Variants in PRKG1 observed in about 807,000 individuals in gnomAD.
PRKG1 encodes cGMP-dependent protein kinase 1.
A neutral mutation model predicts 88.1 loss-of-function variants in PRKG1; 35 were observed. The ratio of observed to expected loss-of-function variants is 0.40; its 90% CI spans 0.30 to 0.53. The LOEUF (loss-of-function observed/expected upper bound fraction) is 0.53, where lower values mean the gene tolerates loss of function less well. Among genes scored for constraint, PRKG1 ranks in the 20% least tolerant of loss-of-function variants. The pLI is 0.59. For missense variants in PRKG1, 540 were observed against 839.8 expected (o/e 0.64, Z 4.41); for synonymous variants, 303 against 292.5 (o/e 1.04, Z -0.37).
At chr10:51,007,609 C>G (rs573616776) in intron 1 of PRKG1, among the ~76,000 whole-genome samples, 15 of 152,268 alleles carry the variant, frequency 9.9e-5, no homozygotes, top group Non-Finnish European at 2.1e-4. Flanking sequence ...TTTCTGATAT[C>G]TTAGTCATGT....
At chr10:51,933,694 T>C (rs1413480825) in intron 5 of PRKG1, among the ~76,000 whole-genome samples, 2 of 152,036 alleles carry the variant, frequency 1.3e-5, no homozygotes, top group African/African-American at 4.8e-5. Flanking sequence ...CTCTAGTAAA[T>C]AATAATACTT....
In PRKG1 at chr10:51,156,323, A is replaced by ACACACACACACACACACACC. The variant is rs796364856; in HGVS notation, c.478+2994_478+2995insACACACACACACACACACCC. On this transcript the variant is annotated intron_variant, in intron 2 of 17. Transcript: ENST00000373980. The stretch of plus-strand genomic sequence containing the variant: ...CACACACACACACACAAACACACAC[A>ACACACACACACACACACACC]CCCGAATGTAACAAAATAAGAAAGA... Among the ~76,000 whole-genome samples, 266 of 151,228 alleles carry ACACACACACACACACACACC rather than the reference A, an allele frequency of 1.8e-3. 3 individuals carry two copies. The highest frequency in any genetic ancestry group is 3.8e-3 in the Admixed American group (58 of 15,134).
At chr10:51,234,949 C>T (rs1838944357) in intron 2 of PRKG1, among the ~76,000 whole-genome samples, 1 of 152,146 alleles carries the variant, frequency 6.6e-6, no homozygotes, top group African/African-American at 2.4e-5. Context: ...AGAGTATATA[C>T]TATCTGTAAG....
At chr10:51,960,151 G>A in intron 5 of PRKG1, among the ~76,000 whole-genome samples, 1 of 147,164 alleles carries the variant, frequency 6.8e-6, no homozygotes. Context: ...AAACCAACCA[G>A]AAAACAAACA....
chr10:51,229,945 A>AAAAG (rs1564647230), intron 2 of PRKG1, among the ~76,000 whole-genome samples: 8 of 150,858 alleles, frequency 5.3e-5, no homozygotes, highest in African/African-American at 1.7e-4. Flanking sequence ...AAAAAAAAAA[A>AAAAG]AAAGAAAAAG....
chr10:51,104,228 A>C (rs9415718), intron 1 of PRKG1, among the ~76,000 whole-genome samples: 76,645 of 151,972 alleles, frequency 0.5, 20,605 homozygotes, highest in East Asian at 0.71. Flanking sequence ...CAGAAAAAAA[A>C]ATCATCCCCC....
rs115172492 is a variant in PRKG1 at position 52,151,919 on chromosome 10, A to G, written c.1002-9970A>G. Among the ~76,000 whole-genome samples, 318 of 152,302 alleles carry G rather than the reference A, an allele frequency of 2.1e-3. 3 individuals carry two copies. The highest frequency in any genetic ancestry group is 7.0e-3 in the African/African-American group (293 of 41,572). ...GGGATTCATGGATATAAATTTCATT[A>G]TGGTCTAAAATAATTACCCTCATTT... On this transcript the variant is annotated intron_variant, in intron 8 of 17. Transcript: ENST00000373980.
intron 4 of PRKG1, among the ~76,000 whole-genome samples, chr10:51,830,560 G>GTTTTT (rs531412645): frequency 8.4e-5 from 7 of 83,646 alleles, no homozygotes; most frequent in Non-Finnish European, 1.3e-4. Flanking sequence ...TTTTTTTTTT[G>GTTTTT]TTTTTTTTTT....
At chr10:51,464,143 G>C (rs1400702852) in intron 2 of PRKG1, among the ~76,000 whole-genome samples, 1 of 152,098 alleles carries the variant, frequency 6.6e-6, no homozygotes, top group Non-Finnish European at 1.5e-5. Context: ...TGCCTGGCAT[G>C]GTGGCATGTG....
intron 8 of PRKG1, among the ~76,000 whole-genome samples, chr10:52,135,236 A>G (rs1020475395): frequency 6.6e-6 from 1 of 152,018 alleles, no homozygotes; most frequent in African/African-American, 2.4e-5. Context: ...AGCAATATAA[A>G]TATGATGACT....
intron 2 of PRKG1, among the ~76,000 whole-genome samples, chr10:51,362,127 A>AT (rs201371127): frequency 2.6e-5 from 4 of 150,982 alleles, no homozygotes; most frequent in Admixed American, 6.6e-5. Flanking sequence ...GGTAGACAAG[A>AT]TTTTTTTTTG....
intron 2 of PRKG1, among the ~76,000 whole-genome samples, chr10:51,454,294 G>A (rs1005711144): frequency 6.6e-6 from 1 of 151,876 alleles, no homozygotes; most frequent in Non-Finnish European, 1.5e-5. Flanking sequence ...CCAAAGCAAG[G>A]CTAAGCAAAA....
At chr10:51,222,500 A>G (rs1589256806) in intron 2 of PRKG1, among the ~76,000 whole-genome samples, 1 of 152,120 alleles carries the variant, frequency 6.6e-6, no homozygotes, top group South Asian at 2.1e-4. Flanking sequence ...TGATCTTTTC[A>G]TAGAAGTTCT....
At chr10:51,334,675 T>C (rs1162022888) in intron 2 of PRKG1, among the ~76,000 whole-genome samples, 1 of 152,108 alleles carries the variant, frequency 6.6e-6, no homozygotes, top group Non-Finnish European at 1.5e-5. Context: ...TCTAGCTAAA[T>C]TGGCTATGAA....
intron 2 of PRKG1, among the ~76,000 whole-genome samples, chr10:51,411,876 T>C (rs1838097966): frequency 6.6e-6 from 1 of 152,116 alleles, no homozygotes; most frequent in African/African-American, 2.4e-5. Flanking sequence ...AACTAGAGGA[T>C]TGTGGCTGGA....
chr10:52,091,565 G>A (rs1847056570), intron 7 of PRKG1, among the ~76,000 whole-genome samples: 1 of 152,038 alleles, frequency 6.6e-6, no homozygotes, highest in Non-Finnish European at 1.5e-5. Context: ...CCTAACATGT[G>A]GACAAATTAA....
At position 51,505,614 on chromosome 10, in the gene PRKG1, G is replaced by A. The variant is rs571040664; in HGVS notation, c.592+37778G>A. Among the ~76,000 whole-genome samples the A allele has an allele frequency of 1.8e-3, 267 of 152,064 alleles. 2 individuals are homozygous for A. Among genetic ancestry groups the A allele is most frequent in the African/African-American group, 6.1e-3 (251 of 41,464 alleles). ...TCCATCTGGTCCTGGACTTTTTTTG[G>A]TTGGTAAGCTATTAATTATTGCCTC... On this transcript the variant is annotated intron_variant, in intron 3 of 17. Coordinates refer to ENST00000373980, the MANE Select transcript of PRKG1 (RefSeq NM_006258.4).
chr10:52,290,087 A>T (rs1842206892), intron 16 of PRKG1, 137 bp from the exon 17 acceptor site: 2 of 637,210 alleles, frequency 3.1e-6, no homozygotes, highest in Non-Finnish European at 5.5e-6. Flanking sequence ...AAACATATGC[A>T]ATTAAATAGA....
chr10:51,241,556 T>A (rs1412278528), intron 2 of PRKG1, among the ~76,000 whole-genome samples: 1 of 152,174 alleles, frequency 6.6e-6, no homozygotes, highest in Non-Finnish European at 1.5e-5. Flanking sequence ...TATATTAGCC[T>A]ACTGCTAATT....
Sources: gnomAD v4.1 joint callset for allele counts (sites outside exome capture counted in the v4.1 genomes callset) on GRCh38, gnomAD v4.1.1 for gene constraint, MANE v1.5 for transcripts, NCBI Gene and HGNC (gene_info 2026-07-23, HGNC 2026-07-21) for gene names.